MRAS: variants seen among roughly 807,000 people sequenced by gnomAD.
The protein encoded by MRAS is ras-related protein M-Ras.
MRAS carries 4 observed loss-of-function variants against 20.9 expected under a neutral mutation model. The observed-to-expected ratio is 0.19, with a 90% CI of 0.09 to 0.44. The LOEUF (loss-of-function observed/expected upper bound fraction) is 0.44, where lower values mean the gene tolerates loss of function less well. Ranked by LOEUF, MRAS falls within the 20% of genes least tolerant of loss-of-function variation. MRAS has a pLI of 0.99. For synonymous variants in MRAS, 98 were observed against 102.9 expected, an observed-to-expected ratio of 0.95 and a Z score of 0.29; for missense variants, 154 against 277.5, an observed-to-expected ratio of 0.56 and a Z score of 3.16.
intron 2 of MRAS, among the ~76,000 whole-genome samples, chr3:138,396,635 T>C (rs912831789): frequency 1.2e-4 from 18 of 152,072 alleles, no homozygotes; most frequent in Non-Finnish European, 2.2e-4. Context: ...AAGGTGGCAG[T>C]GAGGGGCGAG....
chr3:138,377,391 G>A (rs1444329817), intron 2 of MRAS, among the ~76,000 whole-genome samples: 2 of 152,184 alleles, frequency 1.3e-5, no homozygotes, highest in African/African-American at 4.8e-5. Flanking sequence ...TGGATCACGA[G>A]GTCAGGAGTT....
intron 2 of MRAS, among the ~76,000 whole-genome samples, chr3:138,385,470 A>G (rs1253258229): frequency 6.7e-6 from 1 of 149,812 alleles, no homozygotes; most frequent in Non-Finnish European, 1.5e-5. Context: ...TTTTTGTTTC[A>G]TTTTATTGTA....
rs551518760 is a variant in MRAS, at chr3:138,382,787, A to T, written c.193+9711A>T. 9.8e-5 allele frequency among the ~76,000 whole-genome samples: 15 copies of T among 152,366 alleles called. No individual in the cohort carries two copies. In the East Asian group the frequency reaches 2.5e-3, roughly 25 times the overall value. On this transcript the variant is annotated intron_variant, in intron 2 of 5. Transcript: ENST00000423968. ...GTGTTTTTCCACTTTCCTTGCTGAC[A>T]ATCAGGTCATATATGCCAGTTAATG...
chr3:138,349,099 C>T (rs1418062497), intron 1 of MRAS: 4 of 1,336 alleles, frequency 3.0e-3, no homozygotes, highest in Non-Finnish European at 4.2e-3. Flanking sequence ...GACGGGGCGG[C>T]GGGGGATGGG....
In MRAS at chr3:138,402,338, C is replaced by T. The variant is rs2055378097; in HGVS notation, c.*69C>T. 1 of 1,308,696 alleles carries T rather than the reference C, an allele frequency of 7.6e-7. No individual in the cohort carries two copies. Among genetic ancestry groups the T allele is most frequent in the South Asian group, 1.2e-5 (1 of 80,610 alleles). The allele number at this position is 1,308,696 out of a possible 1,614,324, so 81.1% of individuals were successfully genotyped here. A position where few individuals can be genotyped will look rare whatever the true frequency, so the allele number is the denominator to read the frequency against. On this transcript the variant is annotated 3_prime_UTR_variant, in exon 6 of 6. Coordinates refer to ENST00000423968, the MANE Select transcript of MRAS (RefSeq NM_001085049.3). ...CTCGGGACCCCTCCCCACCTAACTGCACTGAAACCATTTCTAACCACAACC... is the reference window on the plus strand; with the variant it reads ...CTCGGGACCCCTCCCCACCTAACTGTACTGAAACCATTTCTAACCACAACC...
intron 5 of MRAS, among the ~76,000 whole-genome samples, chr3:138,401,042 C>G (rs1408811751): frequency 6.6e-6 from 1 of 152,190 alleles, no homozygotes; most frequent in South Asian, 2.1e-4. Context: ...TTCCAAGGTT[C>G]AAATTTCAGA....
intron 1 of MRAS, among the ~76,000 whole-genome samples, chr3:138,362,478 C>T (rs1224553335): frequency 6.6e-6 from 1 of 152,204 alleles, no homozygotes; most frequent in Admixed American, 6.5e-5. Flanking sequence ...CCATCCCCTT[C>T]CCCTCCTCTG....
chr3:138,376,091 T>C (rs543709421), intron 2 of MRAS, among the ~76,000 whole-genome samples: 1 of 152,350 alleles, frequency 6.6e-6, no homozygotes, highest in East Asian at 1.9e-4. Context: ...TGTATCTCAA[T>C]TTTAAAAAGC....
At chr3:138,377,795 T>A (rs1560174790) in intron 2 of MRAS, among the ~76,000 whole-genome samples, 1 of 152,196 alleles carries the variant, frequency 6.6e-6, no homozygotes, top group African/African-American at 2.4e-5. Flanking sequence ...AGCACGATGA[T>A]GAGGAGAAGG....
At chr3:138,366,589 A>T (rs1215957724) in intron 1 of MRAS, among the ~76,000 whole-genome samples, 1 of 152,254 alleles carries the variant, frequency 6.6e-6, no homozygotes, top group African/African-American at 2.4e-5. Context: ...GGCCAAGGGA[A>T]GCAGCAACAA....
At chr3:138,364,061 C>G (rs2054511850) in intron 1 of MRAS, among the ~76,000 whole-genome samples, 1 of 152,160 alleles carries the variant, frequency 6.6e-6, no homozygotes, top group Non-Finnish European at 1.5e-5. Flanking sequence ...ATTCAGCAAG[C>G]CTTTGAGGGC....
intron 1 of MRAS, among the ~76,000 whole-genome samples, chr3:138,371,179 A>T (rs1222991613): frequency 6.6e-6 from 1 of 152,188 alleles, no homozygotes; most frequent in Non-Finnish European, 1.5e-5. Flanking sequence ...GCAGATTTGC[A>T]CTTTCTCTGC....
intron 1 of MRAS, 130 bp downstream of exon 1, chr3:138,348,897 G>T: frequency 6.6e-6 from 1 of 152,096 alleles, no homozygotes; most frequent in Admixed American, 6.5e-5. Flanking sequence ...CTTGCGGGGT[G>T]CGCCCTGGGA....
chr3:138,363,761 C>T (rs968691078), intron 1 of MRAS, among the ~76,000 whole-genome samples: 11 of 145,142 alleles, frequency 7.6e-5, no homozygotes, highest in Non-Finnish European at 1.2e-4. Context: ...CCTCATTTTT[C>T]TCTGGGCTCA....
intron 2 of MRAS, among the ~76,000 whole-genome samples, chr3:138,393,409 G>T (rs1576382790): frequency 6.6e-6 from 1 of 152,190 alleles, no homozygotes; most frequent in East Asian, 1.9e-4. Flanking sequence ...GCTTACCACT[G>T]TTTGTAGTAT....
chr3:138,388,518 G>T (rs2055063983), intron 2 of MRAS, among the ~76,000 whole-genome samples: 1 of 152,062 alleles, frequency 6.6e-6, no homozygotes, highest in African/African-American at 2.4e-5. Context: ...GGCTAATATG[G>T]CAAAACCCCA....
At chr3:138,374,052 G>A (rs575749948) in intron 2 of MRAS, among the ~76,000 whole-genome samples, 26 of 152,096 alleles carry the variant, frequency 1.7e-4, no homozygotes, top group African/African-American at 3.4e-4. Flanking sequence ...TCCGCCTCTC[G>A]GGTTCAAGCA....
chr3:138,377,945 A>G (rs1342051600), intron 2 of MRAS, among the ~76,000 whole-genome samples: 1 of 152,228 alleles, frequency 6.6e-6, no homozygotes, highest in African/African-American at 2.4e-5. Flanking sequence ...TCTGTTTTAT[A>G]GTTGAAGAAA....
At chr3:138,354,957 A>T (rs114165404) in intron 1 of MRAS, among the ~76,000 whole-genome samples, 2,581 of 151,868 alleles carry the variant, frequency 0.017, 20 homozygotes, top group Middle Eastern at 0.034. Flanking sequence ...ATTTAAAAAA[A>T]TTTTTTTTGT....
Sources: allele counts gnomAD v4.1 joint callset (sites outside exome capture counted in the v4.1 genomes callset), GRCh38; gene constraint gnomAD v4.1.1; transcripts MANE v1.5; gene names NCBI Gene and HGNC (gene_info 2026-07-23, HGNC 2026-07-21).